Variants in ANTXR2 observed in about 807,000 individuals in gnomAD.
ANTXR2 encodes anthrax toxin receptor 2.
A neutral mutation model predicts 73.7 loss-of-function variants in ANTXR2; 44 were observed. That is an observed-to-expected ratio of 0.60 (90% confidence interval 0.47 to 0.77). The LOEUF (loss-of-function observed/expected upper bound fraction) is 0.77, where lower values mean the gene tolerates loss of function less well. Ranked by LOEUF, ANTXR2 falls within the 30% of genes least tolerant of loss-of-function variation. The pLI is 0.00. For synonymous variants in ANTXR2, 217 were observed against 205.9 expected (o/e 1.05, Z -0.46); for missense variants, 604 against 592.5 (o/e 1.02, Z -0.20).
At chr4:80,035,305 G>GA (rs1732901643) in intron 8 of ANTXR2, among the ~76,000 whole-genome samples, 1 of 152,020 alleles carries the variant, frequency 6.6e-6, no homozygotes, top group South Asian at 2.1e-4. Context: ...CAGAATGTGA[G>GA]ACCATGCACA....
intron 16 of ANTXR2, among the ~76,000 whole-genome samples, chr4:79,916,700 G>A (rs1281475450): frequency 6.6e-6 from 1 of 152,046 alleles, no homozygotes; most frequent in East Asian, 1.9e-4. Context: ...GATAGAAAAT[G>A]GAATGCTATA....
intron 16 of ANTXR2, among the ~76,000 whole-genome samples, chr4:79,915,856 C>CTATATA (rs1474331161): frequency 0.021 from 2,399 of 111,896 alleles, 22 homozygotes; most frequent in Admixed American, 0.032. Context: ...CTCTCTCTCT[C>CTATATA]TCTCTCTATA....
Position 80,035,240 on chromosome 4 carries a change from T to C in ANTXR2, c.697+732A>G, listed in dbSNP as rs190375434. Among the ~76,000 whole-genome samples, 129 of 152,286 alleles carry C rather than the reference T, an allele frequency of 8.5e-4. 1 individual carries two copies. The highest frequency in any genetic ancestry group is 3.0e-3 in the African/African-American group (124 of 41,562). On this transcript the variant is annotated intron_variant, in intron 8 of 16. Coordinates refer to ENST00000403729, the MANE Select transcript of ANTXR2 (RefSeq NM_058172.6). ...ATAATCCTTCCCTGGGAAGTTCAGA[T>C]GCACTACTTTCCTTAAACATCTCCA... is the stretch of plus-strand genomic sequence containing the variant.
chr4:80,053,569 C>G (rs544253854), intron 7 of ANTXR2, among the ~76,000 whole-genome samples: 1 of 151,512 alleles, frequency 6.6e-6, no homozygotes, highest in Admixed American at 6.6e-5. Flanking sequence ...TATTCACTTC[C>G]ATTTTAGGAT....
chr4:79,964,667 T>C (rs1466041782), intron 16 of ANTXR2: 1 of 152,280 alleles, frequency 6.6e-6, no homozygotes, highest in Non-Finnish European at 1.5e-5. Flanking sequence ...ACTCCTACCT[T>C]TGGTGTTTCA....
rs370094952 is a variant in ANTXR2 at position 79,907,463 on chromosome 4, C to T, written c.1433G>A (p.Arg478Gln). 3.1e-5 allele frequency: 50 copies of T among 1,612,298 alleles called. No homozygotes were observed. The highest frequency in any genetic ancestry group is 1.7e-4 in the Middle Eastern group (1 of 6,052). ...TGGAACTCGGGAGAAGTTTATGCAC[C>T]GGCCCTGAAGAAAGAAATAAATCCA... ...LMRPQEGDEG[R>Q]CINFSRVPSQ Residue 478 changes from arginine (R) to glutamine (Q), a missense_variant, in exon 17 of 17, where the codon CGG (arginine) becomes CAG (glutamine). Physicochemically the swap from Arg to Gln is conservative, Grantham distance 43 (BLOSUM62 1). Transcript: ENST00000403729.
intron 3 of ANTXR2, among the ~76,000 whole-genome samples, chr4:80,057,178 G>A (rs1399973416): frequency 6.6e-6 from 1 of 151,780 alleles, no homozygotes; most frequent in Non-Finnish European, 1.5e-5. Context: ...AACACATGAA[G>A]AGTACTCACT....
At chr4:79,932,792 CAAAAAAAAAAAAA>C (rs57359650) in intron 16 of ANTXR2, among the ~76,000 whole-genome samples, 2 of 52,368 alleles carry the variant, frequency 3.8e-5, no homozygotes, top group African/African-American at 8.7e-5. Context: ...AACTCCATCT[CAAAAAAAAAAAAA>C]AAAAAAAAAA....
intron 16 of ANTXR2, among the ~76,000 whole-genome samples, chr4:79,956,642 T>A (rs1728897129): frequency 6.6e-6 from 1 of 152,160 alleles, no homozygotes; most frequent in African/African-American, 2.4e-5. Context: ...GTTAGCTGAA[T>A]CGGAGTTCTG....
intron 11 of ANTXR2, among the ~76,000 whole-genome samples, chr4:80,016,110 T>C (rs1178633294): frequency 1.3e-5 from 2 of 152,168 alleles, no homozygotes; most frequent in African/African-American, 4.8e-5. Flanking sequence ...TTCTTTCAAG[T>C]TGAATAAATC....
intron 16 of ANTXR2, among the ~76,000 whole-genome samples, chr4:79,955,566 G>A (rs901778002): frequency 1.3e-5 from 2 of 151,982 alleles, no homozygotes; most frequent in Non-Finnish European, 2.9e-5. Context: ...CCTCTCTGAG[G>A]GCAATGTGCA....
intron 12 of ANTXR2, among the ~76,000 whole-genome samples, chr4:80,002,279 T>C (rs533158578): frequency 1.3e-5 from 2 of 152,230 alleles, no homozygotes. Flanking sequence ...AACCGATCTT[T>C]GACGAACCTG....
chr4:80,058,879 C>T (rs1031892783), intron 3 of ANTXR2, among the ~76,000 whole-genome samples: 2 of 152,068 alleles, frequency 1.3e-5, no homozygotes, highest in Admixed American at 6.6e-5. Context: ...TGTTGTGAAG[C>T]AGTTGTCAAG....
At chr4:79,960,966 G>T (rs1283720501) in intron 16 of ANTXR2, among the ~76,000 whole-genome samples, 5 of 151,886 alleles carry the variant, frequency 3.3e-5, no homozygotes, top group South Asian at 2.1e-4. Context: ...GGCAATAAAA[G>T]CTTCCTACTC....
At position 79,919,920 on chromosome 4, in the gene ANTXR2, TAAAA is replaced by T. The variant is rs56403433; in HGVS notation, c.1429-12457_1429-12454del. On this transcript the variant is annotated intron_variant, in intron 16 of 16. Transcript: ENST00000403729. ...ATATATATATATATATATATATATA[TAAAA>T]AATGATAGGGCAGACAAGTAATTAC... 6.1e-3 allele frequency among the ~76,000 whole-genome samples: 92 copies of T among 14,970 alleles called. 4 individuals are homozygous for T. Among genetic ancestry groups the T allele is most frequent in the African/African-American group, 0.026 (82 of 3,194 alleles). The allele number at this position is 14,970 out of a possible 152,430, so 9.8% of individuals were successfully genotyped here.
intron 11 of ANTXR2, among the ~76,000 whole-genome samples, chr4:80,015,509 T>A (rs1057512223): frequency 1.1e-4 from 17 of 152,186 alleles, no homozygotes; most frequent in Admixed American, 3.9e-4. Context: ...TTCTCTTACA[T>A]GTCATTACTA....
rs116464096 is a variant in ANTXR2 at position 79,975,310 on chromosome 4, T to C, written c.1428+2311A>G. ...ACACATTCCAGAATAGATCTTATTT[T>C]TGTACATGTCTTGTTTCCCAAAGTT... On this transcript the variant is annotated intron_variant, in intron 16 of 16. Transcript: ENST00000403729. Among the ~76,000 whole-genome samples, 712 of 152,320 alleles carry C rather than the reference T, an allele frequency of 4.7e-3. 5 individuals carry two copies. The highest frequency in any genetic ancestry group is 0.016 in the African/African-American group (663 of 41,572).
chr4:79,904,819 A>G lies in ANTXR2; in HGVS notation c.*2610T>C, dbSNP rs1477942228. On this transcript the variant is annotated 3_prime_UTR_variant, in exon 17 of 17. Transcript: ENST00000403729. ...GAAGCTATTTCTCTATATAAAATAT[A>G]AAGTGCCATTAAATTTATAGAAATG... 1 of 152,320 alleles carries G rather than the reference A, an allele frequency of 6.6e-6. No individual in the cohort carries two copies. The highest frequency in any genetic ancestry group is 2.1e-4 in the South Asian group (1 of 4,830). 9.4% of individuals were successfully genotyped at this position (152,320 alleles called of 1,614,324 possible).
At chr4:79,993,511 T>C (rs1448953283) in intron 12 of ANTXR2, among the ~76,000 whole-genome samples, 2 of 151,814 alleles carry the variant, frequency 1.3e-5, no homozygotes, top group Non-Finnish European at 1.5e-5. Context: ...TTTTTTCAAC[T>C]CCTCCAACGC....
Sources: gnomAD v4.1 joint callset for allele counts (sites outside exome capture counted in the v4.1 genomes callset) on GRCh38, gnomAD v4.1.1 for gene constraint, MANE v1.5 for transcripts, NCBI Gene and HGNC (gene_info 2026-07-23, HGNC 2026-07-21) for gene names.